The following CEP152 variants were observed in gnomAD, a reference collection of about 807,000 sequenced individuals.
CEP152 encodes the protein centrosomal protein 152.
A neutral mutation model predicts 188.9 loss-of-function variants in CEP152; 132 were observed. The observed-to-expected ratio is 0.70, with a 90% CI of 0.61 to 0.81. CEP152 has a LOEUF of 0.81. Among genes scored for constraint, CEP152 ranks in the 30% least tolerant of loss-of-function variants. The pLI is 0.00. For synonymous variants in CEP152, 649 were observed against 666.6 expected (o/e 0.97, Z 0.41); for missense variants, 1,914 against 1,969.8 (o/e 0.97, Z 0.54).
At chr15:48,759,142 T>A (rs1056877577) in intron 19 of CEP152, among the ~76,000 whole-genome samples, 3 of 152,188 alleles carry the variant, frequency 2.0e-5, no homozygotes, top group African/African-American at 7.2e-5. Context: ...TTCCCTTTAC[T>A]TTTTACTACA....
intron 19 of CEP152, 123 bp downstream of exon 19, chr15:48,760,012 A>T (rs2140698280): frequency 7.8e-7 from 1 of 1,277,500 alleles, no homozygotes; most frequent in Non-Finnish European, 1.1e-6. Context: ...GCTATTGCTT[A>T]ACATGTATCA....
At chr15:48,744,771 T>C (rs1279078926) in intron 23 of CEP152, 125 bp downstream of exon 23, 14 of 898,062 alleles carry the variant, frequency 1.6e-5, no homozygotes, top group Non-Finnish European at 2.3e-5. Context: ...AAATAAGGTT[T>C]TGGGGGATTT....
chr15:48,784,210 G>A (rs1372174246), intron 9 of CEP152, 90 bp from the exon 10 acceptor site: 2 of 1,281,352 alleles, frequency 1.6e-6, no homozygotes, highest in African/African-American at 3.0e-5. Context: ...TAGATTTGAT[G>A]TCAAACACAA....
intron 19 of CEP152, among the ~76,000 whole-genome samples, chr15:48,757,779 C>T (rs1321193769): frequency 3.3e-5 from 5 of 152,174 alleles, no homozygotes; most frequent in Non-Finnish European, 7.3e-5. Context: ...GAATTCACTG[C>T]AAAATTCCTT....
In CEP152 at chr15:48,769,164, T is replaced by C. The variant is rs1189206933; in HGVS notation, c.1783-83A>G. 4 of 1,132,788 alleles carry C rather than the reference T, an allele frequency of 3.5e-6. No homozygotes were observed. In the Admixed American group the frequency reaches 6.4e-5, roughly 18 times the overall value. The allele number at this position is 1,132,788 out of a possible 1,614,324, so 70.2% of individuals were successfully genotyped here. A position where few individuals can be genotyped will look rare whatever the true frequency, so the allele number is the denominator to read the frequency against. On this transcript the variant is annotated intron_variant, in intron 13 of 26. Coordinates refer to ENST00000380950, the MANE Select transcript of CEP152 (RefSeq NM_001194998.2). Reference sequence around the variant, plus strand: ...GAAATACTTCCATACTTTAAAAAAATTGCAAACAGTACAAATAATCTCCAT... The same window carrying C: ...GAAATACTTCCATACTTTAAAAAAACTGCAAACAGTACAAATAATCTCCAT...
At chr15:48,747,633 G>C (rs965058404) in intron 22 of CEP152, among the ~76,000 whole-genome samples, 1 of 152,156 alleles carries the variant, frequency 6.6e-6, no homozygotes, top group Non-Finnish European at 1.5e-5. Flanking sequence ...TTGGGGAAAA[G>C]TACAGGACAG....
intron 12 of CEP152, among the ~76,000 whole-genome samples, chr15:48,774,916 GAAAA>G (rs922197859): frequency 2.0e-5 from 3 of 150,488 alleles, no homozygotes; most frequent in Non-Finnish European, 4.4e-5. Context: ...TGAAGTGAAT[GAAAA>G]AAAACAGGAA....
At chr15:48,761,212 C>T (rs985054516) in intron 18 of CEP152, among the ~76,000 whole-genome samples, 7 of 152,128 alleles carry the variant, frequency 4.6e-5, no homozygotes, top group Non-Finnish European at 8.8e-5. Flanking sequence ...GTAAACATTT[C>T]GGTAAACTAA....
chr15:48,799,480 T>A (rs574460331), intron 2 of CEP152, among the ~76,000 whole-genome samples: 1 of 152,242 alleles, frequency 6.6e-6, no homozygotes, highest in African/African-American at 2.4e-5. Context: ...GATGGGTTTT[T>A]TTTAAAGGGT....
intron 24 of CEP152, among the ~76,000 whole-genome samples, chr15:48,743,507 A>C (rs942199946): frequency 6.6e-6 from 1 of 152,184 alleles, no homozygotes; most frequent in African/African-American, 2.4e-5. Flanking sequence ...TAGCTATGAG[A>C]AATAATAACC....
intron 23 of CEP152, 141 bp downstream of exon 23, chr15:48,744,755 T>G: frequency 1.3e-6 from 1 of 790,332 alleles, no homozygotes; most frequent in Non-Finnish European, 2.0e-6. Flanking sequence ...AGAGGGTATC[T>G]TCAGGAAATA....
At chr15:48,762,252 A>G (rs1460409762) in intron 18 of CEP152, 139 bp downstream of exon 18, 2 of 823,620 alleles carry the variant, frequency 2.4e-6, no homozygotes, top group Non-Finnish European at 3.8e-6. Flanking sequence ...ATTTAGGAAC[A>G]TGACAGGTTT....
At chr15:48,744,064 A>G (rs1041172835) in intron 24 of CEP152, among the ~76,000 whole-genome samples, 176 bp downstream of exon 24, 4 of 152,174 alleles carry the variant, frequency 2.6e-5, no homozygotes, top group Non-Finnish European at 5.9e-5. Context: ...ATTTGGGAAA[A>G]ATGATCAATG....
rs374634855 is a variant in CEP152, at chr15:48,739,257, T to C, written c.4125A>G (p.Ala1375=). The C allele has an allele frequency of 3.1e-6, 5 of 1,613,044 alleles. No individual in the cohort carries two copies. The African/African-American group carries it at 5.3e-5, about 17-fold the overall frequency. ...ALPLTSEMLI[A]VKKSKRNDVN... ...CATCATTTCTTTTTGATTTTTTAAC[T>C]GCAATCAGCATCTCTGAAGTTAGGG... is the stretch of plus-strand genomic sequence containing the variant. The change falls in exon 27 of 27, where the codon GCA becomes GCG. Residue 1375 remains alanine (A), a synonymous_variant. Transcript: ENST00000380950.
chr15:48,772,145 G>C (rs1895574820), intron 13 of CEP152, among the ~76,000 whole-genome samples: 1 of 152,174 alleles, frequency 6.6e-6, no homozygotes, highest in Non-Finnish European at 1.5e-5. Flanking sequence ...GATGTGGTTA[G>C]TCACACCTGT....
rs1324512345 is a variant in CEP152, at chr15:48,762,450, C to T, written c.2503G>A (p.Ala835Thr). Residue 835 changes from alanine to threonine, a missense_variant, in exon 18 of 27, where the codon GCT becomes ACT. By Grantham distance (58) the Ala-to-Thr change is moderately conservative. Coordinates refer to ENST00000380950, the MANE Select transcript of CEP152 (RefSeq NM_001194998.2). ...AATTCAATTTCGAGTTTCTTCATAG[C>T]CCCCTTGATGGCTATGTCCTTCTCT... is the stretch of plus-strand genomic sequence containing the variant. ...EQEKDIAIKGAMKKLEIELEL... is the reference protein window; with the variant it reads ...EQEKDIAIKGTMKKLEIELEL... 1 of 1,613,986 alleles carries T rather than the reference C, an allele frequency of 6.2e-7. No individual in the cohort carries two copies. The highest frequency in any genetic ancestry group is 1.7e-5 in the Admixed American group (1 of 60,026).
chr15:48,756,392 C>T lies in CEP152; in HGVS notation c.2856G>A (p.Glu952=). Residue 952 remains glutamate, a synonymous_variant, in exon 20 of 27, where the codon GAG becomes GAA. Coordinates refer to ENST00000380950, the MANE Select transcript of CEP152 (RefSeq NM_001194998.2). ...TCCATTCACTCCGAGCCTTAGCTAA[C>T]TCAGCCCTGATGACCACAGGGACTT... ...NEEVPVVIRA[E]LAKARSEWNK... is the part of the protein sequence containing the mutation. 6 of 1,609,292 alleles carry T rather than the reference C, an allele frequency of 3.7e-6. No homozygotes were observed. Among genetic ancestry groups the T allele is most frequent in the Non-Finnish European group, 5.1e-6 (6 of 1,177,422 alleles).
chr15:48,747,475 A>G (rs1251522693), intron 22 of CEP152, among the ~76,000 whole-genome samples: 1 of 152,186 alleles, frequency 6.6e-6, no homozygotes, highest in Non-Finnish European at 1.5e-5. Flanking sequence ...ACAGAATGGT[A>G]ATGGTGATAA....
rs572514146 is a variant in CEP152 at position 48,796,280 on chromosome 15, TTATA to T, written c.541-124_541-121del. ...TACTTTTGGTACAGTTCAAAGTTGT[TTATA>T]TATATACACACACACACACACACAC... On this transcript the variant is annotated intron_variant, in intron 5 of 26. Transcript: ENST00000380950. 3.2e-3 allele frequency: 2,677 copies of T among 842,264 alleles called. 31 individuals are homozygous for T. In the Admixed American group the frequency reaches 0.033, roughly 10 times the overall value. 52.2% of individuals were successfully genotyped at this position (842,264 alleles called of 1,614,324 possible).
Sources: gnomAD v4.1 joint callset for allele counts (sites outside exome capture counted in the v4.1 genomes callset) on GRCh38, gnomAD v4.1.1 for gene constraint, MANE v1.5 for transcripts, NCBI Gene and HGNC (gene_info 2026-07-23, HGNC 2026-07-21) for gene names.